The following DAB1 variants were observed in gnomAD, a reference collection of about 807,000 sequenced individuals.
DAB1 encodes DAB adaptor protein 1.
Under a neutral mutation model 64.6 loss-of-function variants are expected in DAB1, and 15 were observed. The observed-to-expected ratio is 0.23, with a 90% CI of 0.16 to 0.36. DAB1 has a LOEUF of 0.36. Ranked by LOEUF, DAB1 falls within the 10% of genes least tolerant of loss-of-function variation. DAB1 has a pLI of 1.00. For missense variants in DAB1, 596 were observed against 706.7 expected, an observed-to-expected ratio of 0.84 and a Z score of 1.78; for synonymous variants, 235 against 251.9, an observed-to-expected ratio of 0.93 and a Z score of 0.64.
intron 1 of DAB1, among the ~76,000 whole-genome samples, chr1:58,531,187 A>C (rs1329233303): frequency 6.6e-6 from 1 of 152,168 alleles, no homozygotes. Flanking sequence ...GTTTTATTTT[A>C]CTAATATTTT....
intron 7 of DAB1, among the ~76,000 whole-genome samples, chr1:57,465,432 A>AAATG (rs905844552): frequency 8.5e-4 from 129 of 152,302 alleles, no homozygotes; most frequent in African/African-American, 2.9e-3. Flanking sequence ...TTCCCTGAAC[A>AAATG]AATGAATGAA....
In DAB1 at chr1:57,144,660, C is replaced by G. The variant is rs554867019; in HGVS notation, c.207+630G>C. On this transcript the variant is annotated intron_variant, in intron 3 of 14. Transcript: ENST00000371236. ...AGTGAGCCGAGATTGCGCCACTGCA[C>G]TCCAGCCTAGGCGATAGAGTGAGAC... Among the ~76,000 whole-genome samples, 5 of 150,522 alleles carry G rather than the reference C, an allele frequency of 3.3e-5. No individual in the cohort carries two copies. In the South Asian group the frequency reaches 1.0e-3, roughly 32 times the overall value.
chr1:57,552,019 C>T (rs929722286), intron 7 of DAB1, among the ~76,000 whole-genome samples: 1 of 152,136 alleles, frequency 6.6e-6, no homozygotes, highest in Non-Finnish European at 1.5e-5. Context: ...AGATTCACTC[C>T]CTTTCCAGTG....
intron 5 of DAB1, among the ~76,000 whole-genome samples, chr1:58,091,515 T>C (rs1290441057): frequency 2.0e-5 from 3 of 152,196 alleles, no homozygotes; most frequent in African/African-American, 7.2e-5. Flanking sequence ...ATTAGCGTCA[T>C]TTTGTTGATT....
chr1:58,544,123 C>G (rs953849330), intron 1 of DAB1, among the ~76,000 whole-genome samples: 2 of 152,100 alleles, frequency 1.3e-5, no homozygotes, highest in African/African-American at 4.8e-5. Context: ...CCAAATGATT[C>G]AAAACTTTTA....
intron 7 of DAB1, among the ~76,000 whole-genome samples, chr1:57,549,404 A>G (rs562989528): frequency 2.2e-4 from 34 of 152,312 alleles, no homozygotes; most frequent in Non-Finnish European, 5.9e-5. Flanking sequence ...GAAGGAAGTT[A>G]AGAAGAATGG....
chr1:58,326,263 C>T lies in DAB1; in HGVS notation n.309+17089G>A, dbSNP rs139154303. On this transcript the variant is annotated intron_variant and non_coding_transcript_variant, in intron 4 of 20. Transcript: ENST00000485760. Reference sequence around the variant, plus strand: ...ATTCAAGATGCTCTCTTTCAGATTGCGATTTTTAAATAACTCAGTGGGGCC... The same window carrying T: ...ATTCAAGATGCTCTCTTTCAGATTGTGATTTTTAAATAACTCAGTGGGGCC... 8.5e-5 allele frequency among the ~76,000 whole-genome samples: 13 copies of T among 152,248 alleles called. No homozygotes were observed. The East Asian group carries it at 2.1e-3, about 25-fold the overall frequency.
intron 7 of DAB1, among the ~76,000 whole-genome samples, chr1:57,614,260 T>G (rs1235245962): frequency 6.6e-6 from 1 of 152,174 alleles, no homozygotes; most frequent in African/African-American, 2.4e-5. Flanking sequence ...AATTCAAAGT[T>G]AAAAACAAAC....
At chr1:57,352,951 G>A (rs773863404) in intron 1 of DAB1, among the ~76,000 whole-genome samples, 6 of 152,024 alleles carry the variant, frequency 3.9e-5, no homozygotes, top group African/African-American at 7.2e-5. Context: ...CCAAGAGACC[G>A]CCTTTAGAAT....
chr1:57,343,071 T>A (rs7547412), intron 1 of DAB1, among the ~76,000 whole-genome samples: 2 of 151,156 alleles, frequency 1.3e-5, no homozygotes, highest in Non-Finnish European at 3.0e-5. Flanking sequence ...ATTGGTAGAG[T>A]CCAGTGGTCT....
rs1281815642 is a variant in DAB1 at position 57,598,671 on chromosome 1, G to A, written n.625+50921C>T. ...GGGCTGGCTGTATGGGCAGTGACAG[G>A]GGCAGCTCAGAAGACAACTTACTAG... On this transcript the variant is annotated intron_variant and non_coding_transcript_variant, in intron 7 of 20. Coordinates refer to the DAB1 transcript ENST00000485760. Among the ~76,000 whole-genome samples, 3 of 152,142 alleles carry A rather than the reference G, an allele frequency of 2.0e-5. No homozygotes were observed. The East Asian group carries it at 5.8e-4, about 29-fold the overall frequency.
chr1:57,827,325 G>A (rs959214266), intron 1 of DAB1, among the ~76,000 whole-genome samples: 7 of 152,216 alleles, frequency 4.6e-5, no homozygotes, highest in Non-Finnish European at 7.3e-5. Context: ...GAAGAAAGAA[G>A]TTAATAACAC....
intron 1 of DAB1, among the ~76,000 whole-genome samples, chr1:57,360,694 C>T (rs1176480514): frequency 2.0e-5 from 3 of 152,080 alleles, no homozygotes; most frequent in South Asian, 4.1e-4. Flanking sequence ...TTTGGAAACA[C>T]ATTGTACAAA....
At chr1:58,521,738 A>C (rs544564098) in intron 2 of DAB1, among the ~76,000 whole-genome samples, 1 of 152,206 alleles carries the variant, frequency 6.6e-6, no homozygotes, top group Non-Finnish European at 1.5e-5. Flanking sequence ...GAATAGTTCT[A>C]TATCTATTAA....
intron 6 of DAB1, among the ~76,000 whole-genome samples, chr1:57,730,638 T>C (rs1006104911): frequency 6.6e-6 from 1 of 152,218 alleles, no homozygotes; most frequent in African/African-American, 2.4e-5. Context: ...CTTTGAATAT[T>C]GATCTTTACT....
chr1:58,047,454 G>A (rs112592016), intron 5 of DAB1, among the ~76,000 whole-genome samples: 2 of 152,300 alleles, frequency 1.3e-5, no homozygotes, highest in African/African-American at 4.8e-5. Flanking sequence ...TCTGGTGGAT[G>A]TACAGGTGAG....
intron 4 of DAB1, among the ~76,000 whole-genome samples, chr1:58,228,362 T>A (rs1324237399): frequency 6.6e-6 from 1 of 152,168 alleles, no homozygotes; most frequent in Non-Finnish European, 1.5e-5. Flanking sequence ...TTGTAATTGC[T>A]TTTTGGGGGG....
chr1:58,019,645 G>A (rs1331453535), intron 5 of DAB1, among the ~76,000 whole-genome samples: 1 of 152,134 alleles, frequency 6.6e-6, no homozygotes, highest in African/African-American at 2.4e-5. Flanking sequence ...GATGTGACTT[G>A]CTCAGTATCA....
intron 1 of DAB1, among the ~76,000 whole-genome samples, chr1:57,342,392 T>C (rs1677663338): frequency 1.3e-5 from 2 of 152,218 alleles, no homozygotes; most frequent in Non-Finnish European, 2.9e-5. Flanking sequence ...CATGGAAGGG[T>C]TCATATTTTG....
Sources: gnomAD v4.1 joint callset for allele counts (sites outside exome capture counted in the v4.1 genomes callset) on GRCh38, gnomAD v4.1.1 for gene constraint, MANE v1.5 for transcripts, NCBI Gene and HGNC (gene_info 2026-07-23, HGNC 2026-07-21) for gene names.